CDH2: variants seen among roughly 807,000 people sequenced by gnomAD.
CDH2 encodes cadherin 2, also known as cadherin-2.
In CDH2, 17 loss-of-function variants were observed where a neutral mutation model predicts 92.0. The observed-to-expected ratio is 0.18, with a 90% CI of 0.13 to 0.28. The LOEUF is 0.28. Ranked by LOEUF, CDH2 falls within the 10% of genes least tolerant of loss-of-function variation. CDH2 has a pLI of 1.00. For synonymous variants in CDH2, 419 were observed against 415.9 expected (o/e 1.01, Z -0.09); for missense variants, 862 against 1,133.1 (o/e 0.76, Z 3.44).
intron 2 of CDH2, among the ~76,000 whole-genome samples, chr18:28,061,126 A>C (rs184360358): frequency 6.6e-6 from 1 of 152,302 alleles, no homozygotes; most frequent in Non-Finnish European, 1.5e-5. Context: ...ACATCATTTA[A>C]AATGGTTCTT....
chr18:28,086,426 G>A (rs2014928995), intron 2 of CDH2, among the ~76,000 whole-genome samples: 1 of 151,756 alleles, frequency 6.6e-6, no homozygotes, highest in African/African-American at 2.4e-5. Flanking sequence ...TTAAGTAAAA[G>A]GTCCATTTAT....
At chr18:27,980,331 G>C (rs2012004578) in intron 14 of CDH2, among the ~76,000 whole-genome samples, 1 of 152,134 alleles carries the variant, frequency 6.6e-6, no homozygotes, top group Non-Finnish European at 1.5e-5. Context: ...TAAGGAAGAA[G>C]TTCCAAAAGG....
intron 1 of CDH2, among the ~76,000 whole-genome samples, chr18:28,176,272 G>C (rs2016539632): frequency 6.6e-6 from 1 of 152,222 alleles, no homozygotes; most frequent in African/African-American, 2.4e-5. Flanking sequence ...GCCCGGGGGA[G>C]ATACTAGGCG....
chr18:27,947,773 A>G (rs62101392), downstream of CDH2, among the ~76,000 whole-genome samples: 64 of 150,862 alleles, frequency 4.2e-4, no homozygotes, highest in Admixed American at 1.4e-3. Context: ...TATATGTGAT[A>G]TAAGTATATG....
At chr18:28,092,268 C>T (rs768230600) in intron 2 of CDH2, among the ~76,000 whole-genome samples, 1 of 152,074 alleles carries the variant, frequency 6.6e-6, no homozygotes, top group Non-Finnish European at 1.5e-5. Context: ...GGCAGACCTT[C>T]AGAAGGCAGA....
chr18:28,125,830 C>T (rs552521679), intron 2 of CDH2, among the ~76,000 whole-genome samples: 13 of 152,006 alleles, frequency 8.6e-5, no homozygotes, highest in African/African-American at 3.1e-4. Flanking sequence ...GATCAGTACT[C>T]CTGATTACAA....
chr18:28,044,188 C>T (rs889068777), intron 2 of CDH2, among the ~76,000 whole-genome samples: 2 of 152,146 alleles, frequency 1.3e-5, no homozygotes, highest in African/African-American at 4.8e-5. Context: ...GTCAGGATTA[C>T]AGGCATGGGC....
chr18:27,960,749 T>C (rs1171747277), intron 15 of CDH2, among the ~76,000 whole-genome samples: 4 of 152,218 alleles, frequency 2.6e-5, no homozygotes, highest in African/African-American at 9.6e-5. Context: ...ATGAGACATT[T>C]TTCACATATG....
intron 7 of CDH2, 49 bp downstream of exon 7, chr18:28,002,948 C>A (rs200396314): frequency 5.3e-6 from 8 of 1,498,984 alleles, no homozygotes; most frequent in Middle Eastern, 1.7e-4. Context: ...TGATATTGTG[C>A]ACCTTTAAGA....
intron 11 of CDH2, among the ~76,000 whole-genome samples, chr18:27,986,052 C>T (rs746206765): frequency 6.6e-6 from 1 of 152,124 alleles, no homozygotes; most frequent in South Asian, 2.1e-4. Context: ...GCCCATTATT[C>T]AGGGCTTGCG....
intron 14 of CDH2, among the ~76,000 whole-genome samples, chr18:27,967,312 G>C (rs1296031478): frequency 6.6e-6 from 1 of 152,150 alleles, no homozygotes; most frequent in African/African-American, 2.4e-5. Flanking sequence ...CAAAAGTCCT[G>C]AACTGAGAGT....
At chr18:28,023,092 A>C (rs953318189) in intron 2 of CDH2, among the ~76,000 whole-genome samples, 1 of 152,170 alleles carries the variant, frequency 6.6e-6, no homozygotes, top group African/African-American at 2.4e-5. Flanking sequence ...TAAATGTGAT[A>C]ATCTAATCCC....
intron 6 of CDH2, among the ~76,000 whole-genome samples, chr18:28,004,306 CTGAA>C (rs1185108394): frequency 6.6e-6 from 1 of 152,142 alleles, no homozygotes; most frequent in East Asian, 1.9e-4. Context: ...TAAACATTTG[CTGAA>C]TGAATGAATA....
At chr18:28,013,266 C>G (rs1366194581) in intron 3 of CDH2, among the ~76,000 whole-genome samples, 1 of 152,048 alleles carries the variant, frequency 6.6e-6, no homozygotes, top group Admixed American at 6.6e-5. Context: ...TATTAAGGGA[C>G]AAGACAAAAA....
At chr18:28,027,275 A>G (rs1190877670) in intron 2 of CDH2, among the ~76,000 whole-genome samples, 1 of 152,144 alleles carries the variant, frequency 6.6e-6, no homozygotes, top group East Asian at 1.9e-4. Context: ...GTCTATAAAA[A>G]TGAAATAAAT....
At chr18:28,004,977 A>T (rs967003862) in intron 6 of CDH2, among the ~76,000 whole-genome samples, 3 of 152,206 alleles carry the variant, frequency 2.0e-5, no homozygotes, top group African/African-American at 7.2e-5. Context: ...GTCAATGACA[A>T]AGGTATTATG....
In CDH2 at chr18:27,964,054, T is replaced by TAC. The variant is rs542331116; in HGVS notation, c.2350-535_2350-534dup. ...CCTATTTTTCTCTAAGATTAGCTTT[T>TAC]ACATTTTTAAAAAGTTACTTAAAAT... On this transcript the variant is annotated intron_variant, in intron 14 of 15. Coordinates refer to ENST00000269141, the MANE Select transcript of CDH2 (RefSeq NM_001792.5). Among the ~76,000 whole-genome samples the TAC allele has an allele frequency of 7.9e-5, 12 of 152,290 alleles. No individual in the cohort carries two copies. In the South Asian group the frequency reaches 2.5e-3, roughly 32 times the overall value.
chr18:28,077,134 C>T (rs989464522), intron 2 of CDH2, among the ~76,000 whole-genome samples: 6 of 152,068 alleles, frequency 3.9e-5, no homozygotes, highest in African/African-American at 1.4e-4. Flanking sequence ...TTTGCCTTTC[C>T]TATTTTAAAT....
intron 6 of CDH2, among the ~76,000 whole-genome samples, chr18:27,940,221 T>C (rs1181483636): frequency 5.3e-5 from 8 of 152,194 alleles, no homozygotes; most frequent in Admixed American, 5.2e-4. Flanking sequence ...TCTTAATTAG[T>C]GTTCCTCCAT....
Sources: gnomAD v4.1 joint callset for allele counts (sites outside exome capture counted in the v4.1 genomes callset) on GRCh38, gnomAD v4.1.1 for gene constraint, MANE v1.5 for transcripts, NCBI Gene and HGNC (gene_info 2026-07-23, HGNC 2026-07-21) for gene names.